The following DENND2B variants were observed in gnomAD, a reference collection of about 807,000 sequenced individuals.
DENND2B encodes the protein DENN domain containing 2B.
Under a neutral mutation model 116.0 loss-of-function variants are expected in DENND2B, and 32 were observed. The observed-to-expected ratio is 0.28, with a 90% CI of 0.21 to 0.37. The LOEUF is 0.37. Ranked by LOEUF, DENND2B falls within the 10% of genes least tolerant of loss-of-function variation. The pLI, the probability that DENND2B is intolerant of heterozygous loss-of-function variation, is 1.00. For synonymous variants in DENND2B, 588 were observed against 583.9 expected, an observed-to-expected ratio of 1.01 and a Z score of -0.10; for missense variants, 1,276 against 1,477.7, an observed-to-expected ratio of 0.86 and a Z score of 2.24.
At chr11:8,781,898 G>C (rs2058412075) in intron 1 of DENND2B, among the ~76,000 whole-genome samples, 2 of 152,178 alleles carry the variant, frequency 1.3e-5, no homozygotes, top group Admixed American at 1.3e-4. Context: ...ATCATACTTA[G>C]ACTGGAAAAT....
chr11:8,805,342 C>T (rs1221784960), intron 1 of DENND2B, among the ~76,000 whole-genome samples: 1 of 152,236 alleles, frequency 6.6e-6, no homozygotes, highest in Non-Finnish European at 1.5e-5. Context: ...AAACCATCTA[C>T]AATACTCAGT....
chr11:8,733,007 C>T (rs2048365377), intron 2 of DENND2B, among the ~76,000 whole-genome samples: 1 of 152,222 alleles, frequency 6.6e-6, no homozygotes. Context: ...CTCTGGCTGC[C>T]CCCAATCAAC....
intron 1 of DENND2B, chr11:8,881,132 T>C (rs1051534546): frequency 4.6e-5 from 7 of 152,166 alleles, no homozygotes; most frequent in African/African-American, 1.4e-4. Flanking sequence ...TAAATTTTTT[T>C]TTACCAGCTG....
chr11:8,796,174 C>G (rs569241493), intron 1 of DENND2B, among the ~76,000 whole-genome samples: 2 of 152,324 alleles, frequency 1.3e-5, no homozygotes, highest in East Asian at 1.9e-4. Context: ...TTTATAAACA[C>G]TGCATACATT....
Position 8,860,731 on chromosome 11 carries a change from G to A in DENND2B, c.-249-3295C>T, listed in dbSNP as rs576503928. ...ATGGAACCAAAAAGGAGCCCAAATA[G>A]CCAAAGCAATCCTGAGCAAAAAGAA... On this transcript the variant is annotated intron_variant, in intron 2 of 6. Transcript: ENST00000524757. Among the ~76,000 whole-genome samples the A allele has an allele frequency of 1.2e-3, 188 of 152,210 alleles. 1 individual carries two copies. Among genetic ancestry groups the A allele is most frequent in the Non-Finnish European group, 1.1e-3 (75 of 67,982 alleles).
intron 2 of DENND2B, among the ~76,000 whole-genome samples, chr11:8,861,812 T>C (rs2063401781): frequency 6.6e-6 from 1 of 151,964 alleles, no homozygotes; most frequent in South Asian, 2.1e-4. Context: ...GATTAAAAAA[T>C]GTGGTATGTA....
chr11:8,729,853 T>C (rs1216405633), intron 3 of DENND2B, 97 bp downstream of exon 3: 1 of 1,490,034 alleles, frequency 6.7e-7, no homozygotes, highest in African/African-American at 1.4e-5. Flanking sequence ...TACGAAGCAC[T>C]AATGACTGCG....
intron 2 of DENND2B, among the ~76,000 whole-genome samples, chr11:8,862,105 G>A (rs923316419): frequency 1.6e-4 from 25 of 151,980 alleles, no homozygotes; most frequent in Admixed American, 7.2e-4. Flanking sequence ...CACTACTCAG[G>A]TGACTGGCAC....
At chr11:8,864,393 G>A (rs955071749) in intron 2 of DENND2B, among the ~76,000 whole-genome samples, 1 of 151,946 alleles carries the variant, frequency 6.6e-6, no homozygotes, top group African/African-American at 2.4e-5. Flanking sequence ...TCAGCCCACC[G>A]TTTAGCTGGG....
upstream of DENND2B, among the ~76,000 whole-genome samples, chr11:8,813,523 A>G (rs562424023): frequency 6.6e-6 from 1 of 152,324 alleles, no homozygotes; most frequent in East Asian, 1.9e-4. Flanking sequence ...CCACTTGCCC[A>G]GTCTCCATCC....
rs565472423 is a variant in DENND2B, at chr11:8,893,015, C to T, written c.-255-11906G>A. Among the ~76,000 whole-genome samples the T allele has an allele frequency of 9.9e-5, 15 of 152,226 alleles. No individual in the cohort carries two copies. In the East Asian group the frequency reaches 1.9e-3, roughly 20 times the overall value. ...AATCCTCAGTAAAATACTGGCAAAC[C>T]GAATCCAGCAGCACATCGAAAAGCT... On this transcript the variant is annotated intron_variant, in intron 1 of 22. Coordinates refer to the DENND2B transcript ENST00000534127.
chr11:8,785,387 C>A (rs1054008865), intron 1 of DENND2B: 2 of 152,246 alleles, frequency 1.3e-5, no homozygotes, highest in African/African-American at 4.8e-5. Context: ...GCAAACTCTT[C>A]TGTGGCTGAA....
In DENND2B at chr11:8,909,439, A is replaced by AAGAAGAAGGAGAAGG. The variant is rs11280727; in HGVS notation, c.-256+1381_-256+1382insCCTTCTCCTTCTTCT. On this transcript the variant is annotated intron_variant, in intron 1 of 22. Coordinates refer to the DENND2B transcript ENST00000534127. ...AGGAAGAGGAAGGAGGAGGAGGAGG[A>AAGAAGAAGGAGAAGG]AGAAGGAGAAGGAGAAGGAGAAGGA... 2.3e-3 allele frequency among the ~76,000 whole-genome samples: 348 copies of AAGAAGAAGGAGAAGG among 149,344 alleles called. 3 individuals are homozygous for AAGAAGAAGGAGAAGG. The highest frequency in any genetic ancestry group is 5.2e-3 in the East Asian group (26 of 4,998).
At chr11:8,696,373 C>T in intron 18 of DENND2B, 54 bp downstream of exon 18, 1 of 1,598,096 alleles carries the variant, frequency 6.3e-7, no homozygotes, top group Non-Finnish European at 8.5e-7. Context: ...CCTGGTTCTT[C>T]AGCCCTGCTG....
intron 2 of DENND2B, among the ~76,000 whole-genome samples, chr11:8,857,689 C>T (rs2063242280): frequency 6.6e-6 from 1 of 152,190 alleles, no homozygotes; most frequent in Admixed American, 6.5e-5. Flanking sequence ...CAGAGTCCTC[C>T]TGGATTCTGA....
chr11:8,843,950 CA>C (rs1240145741), intron 3 of DENND2B, among the ~76,000 whole-genome samples: 3 of 152,190 alleles, frequency 2.0e-5, no homozygotes, highest in Non-Finnish European at 4.4e-5. Flanking sequence ...TTCCTCTGGT[CA>C]AACATCTGTA....
At position 8,739,005 on chromosome 11, in the gene DENND2B, G is replaced by A. The variant is rs2049665927; in HGVS notation, c.81-7796C>T. Among the ~76,000 whole-genome samples, 5 of 152,254 alleles carry A rather than the reference G, an allele frequency of 3.3e-5. No individual in the cohort carries two copies. In the South Asian group the frequency reaches 1.0e-3, roughly 32 times the overall value. On this transcript the variant is annotated intron_variant, in intron 2 of 19. Coordinates refer to ENST00000313726, the MANE Select transcript of DENND2B (RefSeq NM_213618.2). ...CCAGACTGTTTCCTCTCCCTTACTA[G>A]ACTATGAGTGAGCCCACCTGAAGGT...
At chr11:8,849,963 C>T (rs2062950328) in intron 3 of DENND2B, among the ~76,000 whole-genome samples, 1 of 150,966 alleles carries the variant, frequency 6.6e-6, no homozygotes, top group Admixed American at 6.6e-5. Context: ...GGTGAAACCC[C>T]GTCTCTAGAA....
At chr11:8,817,829 C>T (rs1451763316) in intron 4 of DENND2B, among the ~76,000 whole-genome samples, 1 of 152,142 alleles carries the variant, frequency 6.6e-6, no homozygotes, top group African/African-American at 2.4e-5. Context: ...CTCAAATCCA[C>T]AGGCCCCTGA....
Sources: allele counts gnomAD v4.1 joint callset (sites outside exome capture counted in the v4.1 genomes callset), GRCh38; gene constraint gnomAD v4.1.1; transcripts MANE v1.5; gene names NCBI Gene and HGNC (gene_info 2026-07-23, HGNC 2026-07-21).